DMD: variants seen among roughly 807,000 people sequenced by gnomAD.
DMD encodes dystrophin.
Under a neutral mutation model 330.1 loss-of-function variants are expected in DMD, and 63 were observed. The observed-to-expected ratio is 0.19, with a 90% CI of 0.16 to 0.24. The LOEUF (loss-of-function observed/expected upper bound fraction) is 0.24. Among genes scored for constraint, DMD ranks in the 10% least tolerant of loss-of-function variants. The pLI, the probability that DMD is intolerant of heterozygous loss-of-function variation, is 1.00. For synonymous variants in DMD, 1,223 were observed against 959.8 expected (o/e 1.27, Z -5.07); for missense variants, 3,344 against 2,684.1 (o/e 1.25, Z -5.43).
intron 47 of DMD, among the ~76,000 whole-genome samples, chrX:31,883,177 T>C: frequency 9.0e-6 from 1 of 111,577 alleles, no homozygotes; most frequent in East Asian, 2.8e-4. Context: ...TAGAATAATA[T>C]CACAAAAATA....
intron 37 of DMD, among the ~76,000 whole-genome samples, chrX:32,357,044 A>G: frequency 9.0e-6 from 1 of 110,775 alleles, no homozygotes; most frequent in Middle Eastern, 4.6e-3. Flanking sequence ...GCCCACCACC[A>G]TGCCCAGCTA....
At chrX:33,185,499 T>A (rs1569557818) in intron 1 of DMD, among the ~76,000 whole-genome samples, 1 of 111,820 alleles carries the variant, frequency 8.9e-6, no homozygotes, top group African/African-American at 3.3e-5. Flanking sequence ...CTTTCCTTGA[T>A]AGTGTATTCC....
At chrX:32,247,394 G>A (rs189054315) in intron 43 of DMD, among the ~76,000 whole-genome samples, 5 of 111,753 alleles carry the variant, frequency 4.5e-5, no homozygotes, top group South Asian at 3.7e-4. Context: ...GCCAAAAATC[G>A]TTAAGTATTT....
chrX:33,019,540 C>T (rs2093873276), intron 2 of DMD, among the ~76,000 whole-genome samples: 1 of 111,368 alleles, frequency 9.0e-6, no homozygotes, highest in Admixed American at 9.6e-5. Flanking sequence ...TACTAGTTTT[C>T]AAGGTAAGAA....
At chrX:31,925,786 C>T (rs181984981) in intron 47 of DMD, among the ~76,000 whole-genome samples, 18 of 106,789 alleles carry the variant, frequency 1.7e-4, no homozygotes, top group African/African-American at 5.1e-4. Context: ...GCAGGAGAAT[C>T]GCTTGAACCC....
At chrX:32,134,930 T>C (rs993795298) in intron 44 of DMD, among the ~76,000 whole-genome samples, 26 of 112,152 alleles carry the variant, frequency 2.3e-4, no homozygotes, top group African/African-American at 7.5e-4. Context: ...TTTGACTTTA[T>C]TGGATTATCT....
At chrX:32,472,949 A>ATG (rs1483051947) in intron 21 of DMD, among the ~76,000 whole-genome samples, 2 of 110,954 alleles carry the variant, frequency 1.8e-5, no homozygotes, top group Admixed American at 2.0e-4. Context: ...AAAGAGGCAT[A>ATG]TGTGTATGTA....
chrX:33,007,315 C>T (rs1371908312), intron 2 of DMD, among the ~76,000 whole-genome samples: 1 of 110,914 alleles, frequency 9.0e-6, no homozygotes, highest in Non-Finnish European at 1.9e-5. Flanking sequence ...ATCCCACAAA[C>T]ACGCACTCCC....
intron 7 of DMD, among the ~76,000 whole-genome samples, chrX:32,794,966 G>A (rs991939899): frequency 1.8e-5 from 2 of 111,957 alleles, no homozygotes; most frequent in African/African-American, 6.5e-5. Flanking sequence ...GGAGGGAAAG[G>A]TCCGTATAAA....
chrX:31,615,318 T>C (rs893861301), intron 55 of DMD, among the ~76,000 whole-genome samples: 4 of 112,014 alleles, frequency 3.6e-5, no homozygotes, highest in African/African-American at 1.3e-4. Context: ...AATGTTTTCA[T>C]TGCCACTGCC....
chrX:32,196,665 A>G (rs2097001795), intron 44 of DMD, among the ~76,000 whole-genome samples: 1 of 110,619 alleles, frequency 9.0e-6, no homozygotes, highest in Admixed American at 9.7e-5. Context: ...CTGTACACAT[A>G]CATATATACT....
At chrX:32,837,594 CCCA>C (rs1183460085) in intron 4 of DMD, among the ~76,000 whole-genome samples, 1 of 111,601 alleles carries the variant, frequency 9.0e-6, no homozygotes, top group Non-Finnish European at 1.9e-5. Flanking sequence ...TTTAATCCTC[CCCA>C]CGTTTCTATA....
chrX:32,520,600 G>A (rs2046321746), intron 17 of DMD, among the ~76,000 whole-genome samples: 1 of 111,621 alleles, frequency 9.0e-6, no homozygotes, highest in South Asian at 3.7e-4. Flanking sequence ...ATGATACACA[G>A]TGTCTCAAGG....
At chrX:33,259,252 A>C (rs1335726308) in intron 1 of DMD, among the ~76,000 whole-genome samples, 1 of 110,365 alleles carries the variant, frequency 9.1e-6, no homozygotes, top group Non-Finnish European at 1.9e-5. Flanking sequence ...CCCTACGAAC[A>C]TACAGCTTCC....
rs200601285 is a variant in DMD, at chrX:32,238,444, TGAGA to T, written c.6291-21385_6291-21382del. ...GTGTTCCCACAGAAGAAGCAATGCA[TGAGA>T]GAGAGAGAGAGAGAGAGAGAGAGAG... On this transcript the variant is annotated intron_variant, in intron 43 of 78. Transcript: ENST00000357033. Among the ~76,000 whole-genome samples the T allele has an allele frequency of 7.9e-3, 782 of 98,912 alleles. 8 individuals are homozygous for T. The highest frequency in any genetic ancestry group is 0.023 in the African/African-American group (620 of 26,599). The allele number at this position is 98,912 out of a possible 115,157, so 85.9% of individuals were successfully genotyped here.
intron 57 of DMD, among the ~76,000 whole-genome samples, chrX:31,490,757 C>A (rs1228545035): frequency 1.8e-5 from 2 of 111,572 alleles, no homozygotes; most frequent in Non-Finnish European, 3.8e-5. Context: ...ACTCGTCAAG[C>A]TAACATACAT....
intron 48 of DMD, among the ~76,000 whole-genome samples, chrX:31,860,551 C>T (rs2149599230): frequency 8.9e-6 from 1 of 112,275 alleles, no homozygotes; most frequent in East Asian, 2.8e-4. Context: ...TAAATTACAT[C>T]TCAGTATGCT....
In DMD at chrX:32,389,485, C is replaced by A; in HGVS notation, c.4518+16G>T. ...AGTCAAGGGGTACCTGCGTATTTGC[C>A]ACCAGAAATACATACCACACAATGA... On this transcript the variant is annotated intron_variant, in intron 32 of 78. Transcript: ENST00000357033. 1.7e-6 allele frequency: 2 copies of A among 1,208,884 alleles called. No individual in the cohort carries two copies. Among genetic ancestry groups the A allele is most frequent in the African/African-American group, 3.5e-5 (2 of 57,726 alleles).
intron 1 of DMD, among the ~76,000 whole-genome samples, chrX:33,122,962 A>G (rs1230035250): frequency 8.9e-6 from 1 of 112,518 alleles, no homozygotes; most frequent in African/African-American, 3.2e-5. Context: ...TAGGAACTGC[A>G]TAAGGATGTT....
Sources: gnomAD v4.1 joint callset for allele counts (sites outside exome capture counted in the v4.1 genomes callset) on GRCh38, gnomAD v4.1.1 for gene constraint, MANE v1.5 for transcripts, NCBI Gene and HGNC (gene_info 2026-07-23, HGNC 2026-07-21) for gene names.